The following CDH12 variants were observed in gnomAD, a reference collection of about 807,000 sequenced individuals.
CDH12 encodes cadherin 12.
A neutral mutation model predicts 74.1 loss-of-function variants in CDH12; 41 were observed. The observed-to-expected ratio is 0.55, with a 90% confidence interval of 0.43 to 0.72. The LOEUF is 0.72. Among genes scored for constraint, CDH12 ranks in the 30% least tolerant of loss-of-function variants. The probability of loss-of-function intolerance (pLI) is 0.00; values close to 1 mark genes in which losing one functional copy is unlikely to be tolerated. For missense variants in CDH12, 945 were observed against 977.2 expected, an observed-to-expected ratio of 0.97 and a Z score of 0.44; for synonymous variants, 399 against 355.0, an observed-to-expected ratio of 1.12 and a Z score of -1.39.
intron 2 of CDH12, among the ~76,000 whole-genome samples, chr5:22,496,035 T>C (rs958767213): frequency 6.6e-6 from 1 of 152,156 alleles, no homozygotes; most frequent in Non-Finnish European, 1.5e-5. Flanking sequence ...AACAACCCTA[T>C]TAGATGCACA....
Position 22,721,758 on chromosome 5 carries a change from C to T in CDH12, c.-523+131300G>A, listed in dbSNP as rs150575008. Among the ~76,000 whole-genome samples the T allele has an allele frequency of 7.4e-3, 1,132 of 152,220 alleles. 16 individuals are homozygous for T. The highest frequency in any genetic ancestry group is 0.026 in the African/African-American group (1,078 of 41,546). On this transcript the variant is annotated intron_variant, in intron 1 of 14. Coordinates refer to ENST00000382254, the MANE Select transcript of CDH12 (RefSeq NM_004061.5). ...GTGGAAGGTGATTGGATCATGGGGG[C>T]AGCTTTTTCCAATGCTGTTGTCATG...
chr5:22,847,197 T>C (rs1449097258), intron 1 of CDH12, among the ~76,000 whole-genome samples: 1 of 152,200 alleles, frequency 6.6e-6, no homozygotes, highest in Non-Finnish European at 1.5e-5. Flanking sequence ...GAAATTTATT[T>C]GAGGTTTTCT....
chr5:22,146,545 A>T (rs1747196555), intron 4 of CDH12, among the ~76,000 whole-genome samples: 1 of 152,146 alleles, frequency 6.6e-6, no homozygotes, highest in Non-Finnish European at 1.5e-5. Flanking sequence ...CTACCCCATT[A>T]CGTTATTCCA....
At chr5:22,375,506 C>A (rs896366561) in intron 3 of CDH12, among the ~76,000 whole-genome samples, 7 of 151,982 alleles carry the variant, frequency 4.6e-5, no homozygotes, top group Non-Finnish European at 1.0e-4. Flanking sequence ...AATGAAGAGA[C>A]AACCTGTTAA....
chr5:22,005,404 T>C (rs1295117282), intron 5 of CDH12, among the ~76,000 whole-genome samples: 1 of 152,182 alleles, frequency 6.6e-6, no homozygotes, highest in Non-Finnish European at 1.5e-5. Context: ...GTAGATTTCA[T>C]GACTTTCCTA....
At chr5:22,242,065 G>T (rs548798440) in intron 3 of CDH12, among the ~76,000 whole-genome samples, 2 of 152,034 alleles carry the variant, frequency 1.3e-5, no homozygotes, top group African/African-American at 4.8e-5. Context: ...ATCTATAAAA[G>T]TAACAACACT....
At position 22,056,583 on chromosome 5, in the gene CDH12, TG is replaced by T. The variant is rs372651862; in HGVS notation, c.231+21862del. On this transcript the variant is annotated intron_variant, in intron 5 of 14. Coordinates refer to ENST00000382254, the MANE Select transcript of CDH12 (RefSeq NM_004061.5). ...ATAGATTCTTCCTATATGATTCTTT[TG>T]TTCAAAGGAATGAAACGTGCAGTCT... Among the ~76,000 whole-genome samples, 32 of 152,348 alleles carry T rather than the reference TG, an allele frequency of 2.1e-4. No homozygotes were observed. The East Asian group carries it at 3.7e-3, about 17-fold the overall frequency.
chr5:22,004,414 G>A (rs1057326961), intron 5 of CDH12, among the ~76,000 whole-genome samples: 1 of 152,020 alleles, frequency 6.6e-6, no homozygotes, highest in Non-Finnish European at 1.5e-5. Flanking sequence ...CCTTGGAGTG[G>A]CCTTCAAGTT....
intron 3 of CDH12, among the ~76,000 whole-genome samples, chr5:22,373,196 T>G (rs1179832543): frequency 2.0e-5 from 3 of 152,176 alleles, no homozygotes; most frequent in Admixed American, 2.0e-4. Context: ...CCACCTCTGC[T>G]GGCCCCAAGC....
intron 4 of CDH12, among the ~76,000 whole-genome samples, chr5:22,208,170 C>T (rs1751326544): frequency 6.6e-6 from 1 of 152,170 alleles, no homozygotes; most frequent in African/African-American, 2.4e-5. Context: ...CCATTGTCTA[C>T]CAGAACTATG....
intron 1 of CDH12, among the ~76,000 whole-genome samples, chr5:22,609,387 T>TA (rs1179156604): frequency 4.6e-5 from 7 of 152,228 alleles, no homozygotes; most frequent in African/African-American, 1.7e-4. Context: ...ATCACACACT[T>TA]ACAACACTCA....
chr5:22,575,866 T>C (rs191154042), intron 1 of CDH12, among the ~76,000 whole-genome samples: 90 of 151,752 alleles, frequency 5.9e-4, no homozygotes, highest in African/African-American at 2.0e-3. Flanking sequence ...CGCCTGGCCT[T>C]ATTTTTTTTT....
intron 1 of CDH12, among the ~76,000 whole-genome samples, chr5:22,505,595 A>G (rs1736350586): frequency 6.6e-6 from 1 of 152,092 alleles, no homozygotes; most frequent in Non-Finnish European, 1.5e-5. Context: ...ACATTGTGAT[A>G]TATAGTGATA....
At chr5:22,078,922 A>G in intron 4 of CDH12, 60 bp from the exon 5 acceptor site, 2 of 881,272 alleles carry the variant, frequency 2.3e-6, no homozygotes, top group Non-Finnish European at 3.0e-6. Context: ...GATATTCATC[A>G]CAACGCTCAT....
intron 2 of CDH12, among the ~76,000 whole-genome samples, chr5:22,482,540 T>G (rs1746424887): frequency 6.6e-6 from 1 of 152,188 alleles, no homozygotes; most frequent in Admixed American, 6.5e-5. Context: ...TTACCCATAT[T>G]CTTCTTATAA....
intron 5 of CDH12, among the ~76,000 whole-genome samples, chr5:21,992,745 C>T (rs2547655): frequency 6.6e-6 from 1 of 152,078 alleles, no homozygotes; most frequent in Non-Finnish European, 1.5e-5. Flanking sequence ...AACTTATAAA[C>T]GGAATTTCCA....
rs149185404 is a variant in CDH12, at chr5:22,062,522, T to A, written c.231+15924A>T. Among the ~76,000 whole-genome samples the A allele has an allele frequency of 9.4e-3, 1,424 of 152,234 alleles. 77 individuals are homozygous for A. Among genetic ancestry groups the A allele is most frequent in the Admixed American group, 0.083 (1,262 of 15,244 alleles). On this transcript the variant is annotated intron_variant, in intron 5 of 14. Transcript: ENST00000382254. The stretch of plus-strand genomic sequence containing the variant: ...TTACCTAAAAACGCTTTTAAAAAGA[T>A]CTGGAATTGTTCCTTCCACTGTTTT...
intron 6 of CDH12, among the ~76,000 whole-genome samples, chr5:21,921,372 A>G (rs746892381): frequency 1.3e-5 from 2 of 152,188 alleles, no homozygotes; most frequent in African/African-American, 2.4e-5. Flanking sequence ...TCCTGAAACT[A>G]ATCTGTTTAG....
Position 22,321,912 on chromosome 5 carries a change from T to C in CDH12, c.-333+83345A>G, listed in dbSNP as rs113315747. ...GAGAGGTAATTTATGAGAGTAAAATTTCAGACCAAAATCTGTGTCTCTAAT... is the reference window on the plus strand; with the variant it reads ...GAGAGGTAATTTATGAGAGTAAAATCTCAGACCAAAATCTGTGTCTCTAAT... On this transcript the variant is annotated intron_variant, in intron 3 of 14. Coordinates refer to ENST00000382254, the MANE Select transcript of CDH12 (RefSeq NM_004061.5). 5.4e-3 allele frequency among the ~76,000 whole-genome samples: 816 copies of C among 152,252 alleles called. 9 individuals are homozygous for C. Among genetic ancestry groups the C allele is most frequent in the African/African-American group, 0.019 (771 of 41,550 alleles).
Sources: allele counts gnomAD v4.1 joint callset (sites outside exome capture counted in the v4.1 genomes callset), GRCh38; gene constraint gnomAD v4.1.1; transcripts MANE v1.5; gene names NCBI Gene and HGNC (gene_info 2026-07-23, HGNC 2026-07-21).